The following CACNA2D1 variants were observed in gnomAD, a reference collection of about 807,000 sequenced individuals.
CACNA2D1 encodes calcium voltage-gated channel auxiliary subunit alpha2delta 1.
In CACNA2D1, 53 loss-of-function variants were observed where a neutral mutation model predicts 171.5. The observed-to-expected ratio is 0.31, with a 90% CI of 0.25 to 0.39. The LOEUF (loss-of-function observed/expected upper bound fraction) is 0.39. Ranked by LOEUF, CACNA2D1 falls within the 10% of genes least tolerant of loss-of-function variation. The pLI, the probability that CACNA2D1 is intolerant of heterozygous loss-of-function variation, is 1.00. For missense variants in CACNA2D1, 903 were observed against 1,299.8 expected (o/e 0.69, Z 4.69); for synonymous variants, 442 against 443.1 (o/e 1.00, Z 0.03).
At chr7:82,283,802 A>T (rs1041927301) in intron 3 of CACNA2D1, among the ~76,000 whole-genome samples, 2 of 152,182 alleles carry the variant, frequency 1.3e-5, no homozygotes, top group African/African-American at 2.4e-5. Flanking sequence ...TCTAGAAACA[A>T]ATTAGCAGAT....
chr7:82,008,064 G>C (rs1799321525), intron 15 of CACNA2D1, among the ~76,000 whole-genome samples: 2 of 152,036 alleles, frequency 1.3e-5, no homozygotes, highest in African/African-American at 4.8e-5. Flanking sequence ...CAGTAACCCT[G>C]TGTCCTCCCC....
intron 14 of CACNA2D1, 25 bp downstream of exon 14, chr7:82,013,436 T>A (rs1800041639): frequency 9.9e-7 from 1 of 1,013,106 alleles, no homozygotes; most frequent in Non-Finnish European, 1.4e-6. Flanking sequence ...AAAAAATAAT[T>A]TAAACAAGTT....
intron 1 of CACNA2D1, among the ~76,000 whole-genome samples, chr7:82,375,261 A>G (rs1822889798): frequency 6.6e-6 from 1 of 152,076 alleles, no homozygotes; most frequent in African/African-American, 2.4e-5. Context: ...GTCTTACCCC[A>G]TCACCCTCAG....
chr7:81,950,237 G>A lies in CACNA2D1; in HGVS notation c.*155C>T. On this transcript the variant is annotated 3_prime_UTR_variant, in exon 39 of 39. Transcript: ENST00000356860. ...ACACCCTGACATGCAGCCAGTGGGT[G>A]CCTTAGGAGTCTGCGCCTTAGTGTT... 7.6e-7 allele frequency: 1 copy of A among 1,318,128 alleles called. No homozygotes were observed. The highest frequency in any genetic ancestry group is 1.1e-6 in the Non-Finnish European group (1 of 944,314). 81.7% of individuals were successfully genotyped at this position (1,318,128 alleles called of 1,614,324 possible).
intron 6 of CACNA2D1, among the ~76,000 whole-genome samples, chr7:82,104,105 A>G (rs992669665): frequency 3.9e-5 from 6 of 152,174 alleles, no homozygotes; most frequent in African/African-American, 1.4e-4. Context: ...TAAAAGAACC[A>G]TGAAAAGAAT....
chr7:82,443,055 G>A (rs1830623241), intron 1 of CACNA2D1, among the ~76,000 whole-genome samples: 2 of 152,232 alleles, frequency 1.3e-5, no homozygotes, highest in South Asian at 4.1e-4. Context: ...CAGTACGGCT[G>A]CACTCTGAAG....
chr7:82,402,913 T>C (rs142931034), intron 1 of CACNA2D1, among the ~76,000 whole-genome samples: 237 of 152,050 alleles, frequency 1.6e-3, no homozygotes, highest in Admixed American at 4.3e-3. Flanking sequence ...TAGATTATTA[T>C]TTATAATAAC....
intron 5 of CACNA2D1, among the ~76,000 whole-genome samples, chr7:82,124,893 TA>T (rs929061177): frequency 8.2e-4 from 124 of 150,312 alleles, no homozygotes; most frequent in East Asian, 1.6e-3. Context: ...GACAGCTTTT[TA>T]AAAAAAAAAT....
chr7:82,159,181 T>C (rs1373166643), intron 4 of CACNA2D1, among the ~76,000 whole-genome samples: 3 of 151,990 alleles, frequency 2.0e-5, no homozygotes, highest in Non-Finnish European at 2.9e-5. Flanking sequence ...TACCTGCAGC[T>C]TTCTACTTTT....
At chr7:82,002,483 T>C (rs908041947) in intron 18 of CACNA2D1, among the ~76,000 whole-genome samples, 1 of 152,242 alleles carries the variant, frequency 6.6e-6, no homozygotes, top group African/African-American at 2.4e-5. Flanking sequence ...TAACGTTTCA[T>C]ATTTGTGCCT....
At chr7:81,986,567 GAAA>G (rs953134307) in intron 21 of CACNA2D1, among the ~76,000 whole-genome samples, 1 of 147,588 alleles carries the variant, frequency 6.8e-6, no homozygotes, top group African/African-American at 2.5e-5. Flanking sequence ...CTATGAAAAG[GAAA>G]AAAAAAGCAA....
At chr7:81,994,304 A>C (rs1463561264) in intron 20 of CACNA2D1, among the ~76,000 whole-genome samples, 1 of 152,044 alleles carries the variant, frequency 6.6e-6, no homozygotes, top group East Asian at 1.9e-4. Context: ...GACATAAACC[A>C]ATTATTTGTG....
Position 82,438,046 on chromosome 7 carries a change from T to C in CACNA2D1, c.95+5319A>G, listed in dbSNP as rs143703867. On this transcript the variant is annotated intron_variant, in intron 1 of 38. Transcript: ENST00000356860. ...TTGTTTAAAAGACAGCAAAACTGTC[T>C]TTAGAATCACTTTTTTAATTACTTG... Among the ~76,000 whole-genome samples, 374 of 152,328 alleles carry C rather than the reference T, an allele frequency of 2.5e-3. 2 individuals carry two copies. Among genetic ancestry groups the C allele is most frequent in the African/African-American group, 8.6e-3 (357 of 41,590 alleles).
At chr7:82,274,706 T>C (rs535105620) in intron 3 of CACNA2D1, among the ~76,000 whole-genome samples, 1 of 152,184 alleles carries the variant, frequency 6.6e-6, no homozygotes, top group Non-Finnish European at 1.5e-5. Flanking sequence ...GGGGCTCATA[T>C]GAATACAATA....
Position 81,984,801 on chromosome 7 carries a change from G to T in CACNA2D1, c.1797-90C>A, listed in dbSNP as rs767096403. The T allele has an allele frequency of 2.0e-5, 15 of 744,790 alleles. No individual in the cohort carries two copies. The South Asian group carries it at 2.1e-4, about 10-fold the overall frequency. 46.1% of individuals were successfully genotyped at this position (744,790 alleles called of 1,614,324 possible). On this transcript the variant is annotated intron_variant, in intron 21 of 38. Coordinates refer to ENST00000356860, the MANE Select transcript of CACNA2D1 (RefSeq NM_000722.4). ...GACACATCAAGTTCATGGGAAAATC[G>T]AAAGATCTTCCTCATGGGAAGGAAA...
intron 1 of CACNA2D1, among the ~76,000 whole-genome samples, chr7:82,402,883 G>A (rs1198939188): frequency 1.3e-5 from 2 of 151,902 alleles, no homozygotes; most frequent in Non-Finnish European, 2.9e-5. Context: ...GATCATTGGG[G>A]TTGGGAGGCA....
intron 3 of CACNA2D1, among the ~76,000 whole-genome samples, chr7:82,327,100 C>T (rs1031573147): frequency 3.3e-5 from 5 of 152,206 alleles, no homozygotes; most frequent in Non-Finnish European, 7.3e-5. Flanking sequence ...CCTTTCCTCT[C>T]CTCTGCTTCT....
In CACNA2D1 at chr7:82,309,406, CA is replaced by C. The variant is rs902380109; in HGVS notation, c.294+25728del. On this transcript the variant is annotated intron_variant, in intron 3 of 38. Coordinates refer to ENST00000356860, the MANE Select transcript of CACNA2D1 (RefSeq NM_000722.4). ...AGGTGACAAGAGTGAAACTATGTCT[CA>C]AAAAAAAAAAATTGTTGATAAAATG... is the stretch of plus-strand genomic sequence containing the variant. 5.1e-3 allele frequency among the ~76,000 whole-genome samples: 713 copies of C among 139,726 alleles called. 7 individuals are homozygous for C. The highest frequency in any genetic ancestry group is 6.2e-3 in the Non-Finnish European group (399 of 64,090). The allele number at this position is 139,726 out of a possible 152,430, so 91.7% of individuals were successfully genotyped here.
chr7:82,031,666 A>C (rs184005841), intron 12 of CACNA2D1, among the ~76,000 whole-genome samples: 3 of 152,060 alleles, frequency 2.0e-5, no homozygotes, highest in African/African-American at 7.2e-5. Flanking sequence ...AAATTTTAGC[A>C]CCTAGAGTAT....
Sources: gnomAD v4.1 joint callset for allele counts (sites outside exome capture counted in the v4.1 genomes callset) on GRCh38, gnomAD v4.1.1 for gene constraint, MANE v1.5 for transcripts, NCBI Gene and HGNC (gene_info 2026-07-23, HGNC 2026-07-21) for gene names.